The following SLC24A2 variants were observed in gnomAD, a reference collection of about 807,000 sequenced individuals.
SLC24A2 encodes the protein solute carrier family 24 member 2.
In SLC24A2, 36 loss-of-function variants were observed where a neutral mutation model predicts 62.0. The observed-to-expected ratio is 0.58, with a 90% CI of 0.44 to 0.77. The LOEUF is 0.77. SLC24A2 is among the 30% of genes least tolerant of loss of function. The probability of loss-of-function intolerance (pLI) is 0.00; values close to 1 mark genes in which losing one functional copy is unlikely to be tolerated. For synonymous variants in SLC24A2, 358 were observed against 294.0 expected (o/e 1.22, Z -2.23); for missense variants, 846 against 817.9 (o/e 1.03, Z -0.42).
the SLC24A2 span, among the ~76,000 whole-genome samples, chr9:20,001,157 T>C: frequency 6.6e-6 from 1 of 152,244 alleles, no homozygotes; most frequent in African/African-American, 2.4e-5. Flanking sequence ...TCGTTTCTGA[T>C]GGCAGAGCCT....
the SLC24A2 span, among the ~76,000 whole-genome samples, chr9:20,111,390 G>C: frequency 6.6e-6 from 1 of 152,062 alleles, no homozygotes; most frequent in Non-Finnish European, 1.5e-5. Flanking sequence ...TCTAGGGTTA[G>C]TGCCCTCTCC....
intron 5 of SLC24A2, among the ~76,000 whole-genome samples, chr9:19,585,681 T>G (rs940867661): frequency 6.6e-6 from 1 of 152,240 alleles, no homozygotes; most frequent in African/African-American, 2.4e-5. Context: ...TTATGACTTT[T>G]GGACTTTAAT....
chr9:20,129,182 T>C, the SLC24A2 span, among the ~76,000 whole-genome samples: 1 of 152,068 alleles, frequency 6.6e-6, no homozygotes, highest in Non-Finnish European at 1.5e-5. Context: ...GTCAGCAAGC[T>C]CATGAAAATA....
the SLC24A2 span, among the ~76,000 whole-genome samples, chr9:20,001,565 A>G: frequency 7.3e-3 from 1,114 of 152,262 alleles, 19 homozygotes; most frequent in African/African-American, 0.026. Flanking sequence ...AACCACTGTG[A>G]AAAAAGGCGT....
At chr9:19,969,525 C>T in the SLC24A2 span, among the ~76,000 whole-genome samples, 16 of 152,298 alleles carry the variant, frequency 1.1e-4, no homozygotes, top group African/African-American at 2.9e-4. Flanking sequence ...ACTCCTCACA[C>T]ATTACTGCTT....
intron 2 of SLC24A2, among the ~76,000 whole-genome samples, chr9:19,728,977 C>T (rs1475691006): frequency 6.6e-6 from 1 of 152,180 alleles, no homozygotes; most frequent in Non-Finnish European, 1.5e-5. Context: ...CTGAGGTAGG[C>T]CATATTTGAC....
chr9:19,543,014 C>G (rs1196334381), intron 8 of SLC24A2, among the ~76,000 whole-genome samples: 1 of 152,196 alleles, frequency 6.6e-6, no homozygotes, highest in Non-Finnish European at 1.5e-5. Context: ...AGGAATGGTA[C>G]CAGCTCCTCT....
chr9:19,687,023 CGGG>C (rs1819902541), intron 2 of SLC24A2, among the ~76,000 whole-genome samples: 1 of 151,984 alleles, frequency 6.6e-6, no homozygotes, highest in Admixed American at 6.6e-5. Flanking sequence ...TATGTGAACA[CGGG>C]AACAGAAAAC....
chr9:20,114,615 C>T, the SLC24A2 span, among the ~76,000 whole-genome samples: 61 of 152,062 alleles, frequency 4.0e-4, no homozygotes, highest in Middle Eastern at 3.4e-3. Context: ...ATATTCTGGC[C>T]CAATAATGTT....
chr9:19,977,113 TTGTGTGTGTG>T, the SLC24A2 span, among the ~76,000 whole-genome samples: 15 of 145,330 alleles, frequency 1.0e-4, 1 homozygote, highest in South Asian at 8.9e-4. Flanking sequence ...ATTTCTATAT[TTGTGTGTGTG>T]TGTGTGTGTG....
chr9:20,304,203 CAGGCAGGTTAACT>C, the SLC24A2 span, among the ~76,000 whole-genome samples: 1 of 152,138 alleles, frequency 6.6e-6, no homozygotes, highest in African/African-American at 2.4e-5. Flanking sequence ...ACTTCAGTGG[CAGGCAGGTTAACT>C]ATTTCACTGC....
At chr9:20,157,834 GAGAAACTGTGCTTC>G in the SLC24A2 span, among the ~76,000 whole-genome samples, 3 of 151,572 alleles carry the variant, frequency 2.0e-5, no homozygotes, top group Admixed American at 6.6e-5. Context: ...TCATCTATTA[GAGAAACTGTGCTTC>G]ATGATACCAA....
chr9:20,236,410 T>C, the SLC24A2 span, among the ~76,000 whole-genome samples: 8 of 152,338 alleles, frequency 5.3e-5, no homozygotes, highest in East Asian at 5.8e-4. Flanking sequence ...AGAATTGTTG[T>C]GTGAGTGTTG....
At chr9:20,254,683 G>A in the SLC24A2 span, among the ~76,000 whole-genome samples, 1 of 152,012 alleles carries the variant, frequency 6.6e-6, no homozygotes, top group Non-Finnish European at 1.5e-5. Context: ...AGGCAGAAGT[G>A]ACAACTTCTA....
At chr9:19,620,798 C>T (rs1817890751) in intron 3 of SLC24A2, among the ~76,000 whole-genome samples, 1 of 152,188 alleles carries the variant, frequency 6.6e-6, no homozygotes. Flanking sequence ...TCTTATTGAA[C>T]TTTCAGCGTA....
At chr9:19,566,149 A>C (rs183090493) in intron 7 of SLC24A2, among the ~76,000 whole-genome samples, 16,747 of 152,008 alleles carry the variant, frequency 0.11, 946 homozygotes, top group African/African-American at 0.15. Context: ...TCTGCACAGC[A>C]AAAGAAACTA....
At chr9:20,094,983 T>C in the SLC24A2 span, among the ~76,000 whole-genome samples, 3 of 152,178 alleles carry the variant, frequency 2.0e-5, no homozygotes, top group African/African-American at 4.8e-5. Flanking sequence ...GAAAAAGCTA[T>C]TAAAAAGCTA....
chr9:19,853,991 G>A, the SLC24A2 span, among the ~76,000 whole-genome samples: 2 of 152,020 alleles, frequency 1.3e-5, 1 homozygote, highest in African/African-American at 4.8e-5. Flanking sequence ...GAACTCATTG[G>A]TTTATTCAGG....
At chr9:19,543,075 G>A (rs1333782810) in intron 8 of SLC24A2, among the ~76,000 whole-genome samples, 1 of 151,458 alleles carries the variant, frequency 6.6e-6, no homozygotes, top group East Asian at 1.9e-4. Flanking sequence ...CTGGACTTTG[G>A]TAGGCTATTA....
Sources: gnomAD v4.1 joint callset for allele counts (sites outside exome capture counted in the v4.1 genomes callset) on GRCh38, gnomAD v4.1.1 for gene constraint, MANE v1.5 for transcripts, NCBI Gene and HGNC (gene_info 2026-07-23, HGNC 2026-07-21) for gene names.